Variants in ASTN2 observed in about 807,000 individuals in gnomAD.
ASTN2 encodes the protein astrotactin 2.
ASTN2 carries 54 observed loss-of-function variants against 139.8 expected under a neutral mutation model. The ratio of observed to expected loss-of-function variants is 0.39; its 90% CI spans 0.31 to 0.48. ASTN2 has a LOEUF of 0.48. Ranked by LOEUF, ASTN2 falls within the 20% of genes least tolerant of loss-of-function variation. The probability of loss-of-function intolerance (pLI) is 0.95; values close to 1 mark genes in which losing one functional copy is unlikely to be tolerated. For missense variants in ASTN2, 1,565 were observed against 1,725.1 expected, an observed-to-expected ratio of 0.91 and a Z score of 1.64; for synonymous variants, 756 against 719.5, an observed-to-expected ratio of 1.05 and a Z score of -0.81.
At chr9:116,723,641 T>C (rs1321894464) in intron 16 of ASTN2, among the ~76,000 whole-genome samples, 1 of 152,144 alleles carries the variant, frequency 6.6e-6, no homozygotes, top group African/African-American at 2.4e-5. Context: ...CTTTCAACTC[T>C]ACAGATGCAT....
intron 2 of ASTN2, among the ~76,000 whole-genome samples, chr9:117,268,606 G>A (rs1265115844): frequency 1.3e-5 from 2 of 152,164 alleles, no homozygotes; most frequent in South Asian, 2.1e-4. Context: ...ACCTTCATCT[G>A]GGAATAAAGA....
In ASTN2 at chr9:117,009,769, A is replaced by G. The variant is rs570461784; in HGVS notation, c.1424-1510T>C. ...AGTTAATAAGAATCATATGGGTTCT[A>G]TGGAGGTCTATCTGTCAGGTCACAT... On this transcript the variant is annotated intron_variant, in intron 6 of 22. Coordinates refer to ENST00000313400, the MANE Select transcript of ASTN2 (RefSeq NM_001365068.1). 5.9e-5 allele frequency among the ~76,000 whole-genome samples: 9 copies of G among 152,330 alleles called. No individual in the cohort carries two copies. In the South Asian group the frequency reaches 1.9e-3, roughly 32 times the overall value.
rs527866971 is a variant in ASTN2, at chr9:116,795,235, C to T, written c.2396+10397G>A. 6.8e-4 allele frequency among the ~76,000 whole-genome samples: 103 copies of T among 152,314 alleles called. 1 individual carries two copies. Among genetic ancestry groups the T allele is most frequent in the Non-Finnish European group, 1.1e-3 (77 of 68,028 alleles). On this transcript the variant is annotated intron_variant, in intron 13 of 22. Coordinates refer to ENST00000313400, the MANE Select transcript of ASTN2 (RefSeq NM_001365068.1). ...CCTCGTGATCCACCCGCCTCGGCTT[C>T]CCAAAGTGCTGGGATTACAGGCGTG...
intron 16 of ASTN2, among the ~76,000 whole-genome samples, chr9:116,720,175 T>C (rs1828432213): frequency 6.6e-6 from 1 of 152,152 alleles, no homozygotes; most frequent in Non-Finnish European, 1.5e-5. Context: ...AAAAACTCCT[T>C]TAAAAAGTAG....
At chr9:116,958,357 G>A (rs1454077216) in intron 10 of ASTN2, among the ~76,000 whole-genome samples, 4 of 152,102 alleles carry the variant, frequency 2.6e-5, no homozygotes, top group African/African-American at 4.8e-5. Flanking sequence ...TTGAGAGGCC[G>A]AGGTGGGCAG....
Position 116,869,209 on chromosome 9 carries a change from T to A in ASTN2, c.1890-5476A>T, listed in dbSNP as rs187401052. On this transcript the variant is annotated intron_variant, in intron 10 of 22. Transcript: ENST00000313400. ...TCAAAAAGAAAGAAAGAAAAAAAAA[T>A]GACAGCATTAGTTGGGTTTAGGGTC... Among the ~76,000 whole-genome samples, 1,194 of 151,992 alleles carry A rather than the reference T, an allele frequency of 7.9e-3. 15 individuals are homozygous for A. Among genetic ancestry groups the A allele is most frequent in the African/African-American group, 0.028 (1,154 of 41,454 alleles).
intron 13 of ASTN2, among the ~76,000 whole-genome samples, chr9:116,803,710 G>C (rs550679403): frequency 6.6e-6 from 1 of 150,506 alleles, no homozygotes; most frequent in African/African-American, 2.4e-5. Context: ...ATTTTTAGTA[G>C]CGATGGGGTT....
At chr9:117,350,051 T>C (rs1829339886) in intron 1 of ASTN2, among the ~76,000 whole-genome samples, 1 of 152,154 alleles carries the variant, frequency 6.6e-6, no homozygotes, top group Admixed American at 6.6e-5. Flanking sequence ...TTTCTTAGTT[T>C]TGACACATGT....
At chr9:116,465,904 C>G (rs187086660) in intron 20 of ASTN2, among the ~76,000 whole-genome samples, 1 of 152,160 alleles carries the variant, frequency 6.6e-6, no homozygotes, top group Non-Finnish European at 1.5e-5. Context: ...GCAAATGTGA[C>G]AGTACTGACA....
chr9:117,281,644 G>T (rs34030064), intron 2 of ASTN2, among the ~76,000 whole-genome samples: 55,686 of 151,912 alleles, frequency 0.37, 11,614 homozygotes, highest in East Asian at 0.56. Context: ...GGAACAGGAG[G>T]CTGGGGCAGA....
chr9:116,632,211 AAG>A (rs1564169125), intron 17 of ASTN2, among the ~76,000 whole-genome samples: 2 of 119,408 alleles, frequency 1.7e-5, no homozygotes, highest in South Asian at 3.5e-4. Context: ...AAAGAAAAGA[AAG>A]AAAGAAAGAA....
intron 19 of ASTN2, among the ~76,000 whole-genome samples, chr9:116,518,529 C>A (rs1321995404): frequency 6.6e-6 from 1 of 152,046 alleles, no homozygotes; most frequent in Non-Finnish European, 1.5e-5. Context: ...TGAAACAAAT[C>A]CTCAAAATAC....
chr9:117,205,980 G>C (rs1207488145), intron 3 of ASTN2, among the ~76,000 whole-genome samples: 1 of 152,154 alleles, frequency 6.6e-6, no homozygotes, highest in African/African-American at 2.4e-5. Flanking sequence ...AAAGGAAATG[G>C]GTCTTTGCAA....
intron 7 of ASTN2, among the ~76,000 whole-genome samples, chr9:117,004,205 G>A (rs759626052): frequency 2.6e-5 from 4 of 151,948 alleles, no homozygotes; most frequent in Admixed American, 6.6e-5. Context: ...CTGTAGCCTC[G>A]ACTTCCAGGA....
At chr9:117,407,621 G>A (rs1831033401) in intron 1 of ASTN2, among the ~76,000 whole-genome samples, 1 of 152,226 alleles carries the variant, frequency 6.6e-6, no homozygotes, top group African/African-American at 2.4e-5. Context: ...CTTGCATTGT[G>A]TAGTCATCAC....
chr9:116,830,595 C>A (rs552800186), intron 11 of ASTN2, among the ~76,000 whole-genome samples: 2 of 151,556 alleles, frequency 1.3e-5, no homozygotes, highest in African/African-American at 4.8e-5. Context: ...AGTTTGAGAC[C>A]AGCCTGGCCA....
At chr9:117,197,592 T>C (rs1831548652) in intron 3 of ASTN2, among the ~76,000 whole-genome samples, 2 of 152,214 alleles carry the variant, frequency 1.3e-5, no homozygotes, top group Admixed American at 1.3e-4. Context: ...TGTGTGTGTA[T>C]ACACAATTAT....
chr9:116,654,206 T>C (rs540061875), intron 16 of ASTN2, among the ~76,000 whole-genome samples: 1 of 152,222 alleles, frequency 6.6e-6, no homozygotes, highest in African/African-American at 2.4e-5. Flanking sequence ...CCTTCCAGCT[T>C]GTGTAAATAA....
intron 20 of ASTN2, among the ~76,000 whole-genome samples, chr9:116,463,308 C>T (rs1848549231): frequency 6.6e-6 from 1 of 152,132 alleles, no homozygotes; most frequent in Admixed American, 6.6e-5. Context: ...TTATCCAGTG[C>T]TGTCCTACCT....
Sources: gnomAD v4.1 joint callset for allele counts (sites outside exome capture counted in the v4.1 genomes callset) on GRCh38, gnomAD v4.1.1 for gene constraint, MANE v1.5 for transcripts, NCBI Gene and HGNC (gene_info 2026-07-23, HGNC 2026-07-21) for gene names.